The following AGBL4 variants were observed in gnomAD, a reference collection of about 807,000 sequenced individuals.
AGBL4 encodes AGBL carboxypeptidase 4, also known as cytosolic carboxypeptidase 6.
A neutral mutation model predicts 66.4 loss-of-function variants in AGBL4; 58 were observed. The observed-to-expected ratio is 0.87, with a 90% confidence interval of 0.71 to 1.09. The LOEUF is 1.09. AGBL4 is among the 50% of genes least tolerant of loss of function. AGBL4 has a pLI of 0.00. For synonymous variants in AGBL4, 234 were observed against 222.9 expected (o/e 1.05, Z -0.44); for missense variants, 579 against 631.0 (o/e 0.92, Z 0.88).
chr1:49,426,838 C>T (rs1309684504), intron 3 of AGBL4, among the ~76,000 whole-genome samples: 2 of 152,092 alleles, frequency 1.3e-5, no homozygotes, highest in African/African-American at 4.8e-5. Context: ...TCTGAGAAGA[C>T]GTCATGCTAC....
intron 3 of AGBL4, among the ~76,000 whole-genome samples, chr1:49,476,312 T>C (rs1646843884): frequency 7.5e-6 from 1 of 134,132 alleles, no homozygotes; most frequent in South Asian, 2.3e-4. Flanking sequence ...CACTGAGACT[T>C]GCTTTATGAC....
chr1:48,610,302 G>A (rs1227571823), intron 9 of AGBL4, among the ~76,000 whole-genome samples: 1 of 152,160 alleles, frequency 6.6e-6, no homozygotes, highest in African/African-American at 2.4e-5. Context: ...ACACATGACC[G>A]GGGCTTGCTG....
At chr1:48,990,435 G>A (rs962058845) in intron 5 of AGBL4, among the ~76,000 whole-genome samples, 23 of 152,066 alleles carry the variant, frequency 1.5e-4, no homozygotes, top group African/African-American at 4.3e-4. Flanking sequence ...TTGTGCTTGC[G>A]GGGTACTGAT....
intron 3 of AGBL4, among the ~76,000 whole-genome samples, chr1:49,348,215 G>C (rs1645676134): frequency 6.6e-6 from 1 of 152,040 alleles, no homozygotes; most frequent in Admixed American, 6.6e-5. Context: ...TGAGGAGATT[G>C]AGACCATCCT....
chr1:49,252,870 G>A (rs1466140878), intron 3 of AGBL4, among the ~76,000 whole-genome samples: 2 of 152,054 alleles, frequency 1.3e-5, no homozygotes, highest in Non-Finnish European at 2.9e-5. Context: ...AGGAAATTTG[G>A]TACTACCAGA....
At chr1:49,550,452 C>A (rs1306266697) in intron 3 of AGBL4, among the ~76,000 whole-genome samples, 1 of 152,152 alleles carries the variant, frequency 6.6e-6, no homozygotes, top group East Asian at 1.9e-4. Context: ...GGATTTGTAT[C>A]AAGATTTAGC....
chr1:48,621,495 T>C (rs1645413111), intron 9 of AGBL4, among the ~76,000 whole-genome samples: 1 of 152,156 alleles, frequency 6.6e-6, no homozygotes, highest in Non-Finnish European at 1.5e-5. Context: ...CATATACTTG[T>C]GGAAAATTGT....
At chr1:49,816,385 A>G (rs1645231169) in intron 2 of AGBL4, among the ~76,000 whole-genome samples, 1 of 152,212 alleles carries the variant, frequency 6.6e-6, no homozygotes, top group African/African-American at 2.4e-5. Context: ...AGGTTCCAAA[A>G]GGTCTAGGTA....
At chr1:49,574,700 G>A (rs992512604) in intron 3 of AGBL4, among the ~76,000 whole-genome samples, 1 of 152,062 alleles carries the variant, frequency 6.6e-6, no homozygotes, top group Admixed American at 6.5e-5. Flanking sequence ...AAGGTGGCAG[G>A]AGATAAGTGG....
At chr1:50,004,326 C>T (rs1042247210) in intron 1 of AGBL4, among the ~76,000 whole-genome samples, 8 of 152,162 alleles carry the variant, frequency 5.3e-5, no homozygotes, top group African/African-American at 1.9e-4. Flanking sequence ...GACAAAAGGG[C>T]TCTGGTGTAC....
chr1:49,604,183 A>G (rs965722927), intron 3 of AGBL4, among the ~76,000 whole-genome samples: 2 of 151,798 alleles, frequency 1.3e-5, no homozygotes, highest in Non-Finnish European at 2.9e-5. Flanking sequence ...ACTAATTTAC[A>G]CTCCCACCGG....
At chr1:49,750,222 G>A (rs1487409089) in intron 2 of AGBL4, among the ~76,000 whole-genome samples, 1 of 152,096 alleles carries the variant, frequency 6.6e-6, no homozygotes, top group Non-Finnish European at 1.5e-5. Context: ...GCTTTTTATG[G>A]TTTTAGGTCT....
Position 49,255,872 on chromosome 1 carries a change from G to C in AGBL4, c.283-10008C>G, listed in dbSNP as rs564526397. Among the ~76,000 whole-genome samples, 39 of 152,244 alleles carry C rather than the reference G, an allele frequency of 2.6e-4. No individual in the cohort carries two copies. The South Asian group carries it at 8.1e-3, about 32-fold the overall frequency. ...CATGTATTTTGCAGGGACATGGATGGAGCTGGAGACCATTTTCCTTAGCAA... is the reference window on the plus strand; with the variant it reads ...CATGTATTTTGCAGGGACATGGATGCAGCTGGAGACCATTTTCCTTAGCAA... On this transcript the variant is annotated intron_variant, in intron 3 of 13. Coordinates refer to ENST00000371839, the MANE Select transcript of AGBL4 (RefSeq NM_032785.4).
intron 4 of AGBL4, among the ~76,000 whole-genome samples, chr1:49,062,360 CCTAT>C (rs1644418461): frequency 6.6e-6 from 1 of 152,116 alleles, no homozygotes; most frequent in South Asian, 2.1e-4. Context: ...ACTTTAATAC[CCTAT>C]CTAACATGCA....
At chr1:49,729,140 T>C (rs544007625) in intron 2 of AGBL4, among the ~76,000 whole-genome samples, 1 of 152,316 alleles carries the variant, frequency 6.6e-6, no homozygotes, top group East Asian at 1.9e-4. Flanking sequence ...GCAATCTTTG[T>C]CTTTTAAAGA....
intron 1 of AGBL4, among the ~76,000 whole-genome samples, chr1:50,010,274 T>G (rs1215976239): frequency 1.3e-5 from 2 of 150,628 alleles, no homozygotes; most frequent in African/African-American, 2.4e-5. Context: ...GCCACTGCAC[T>G]CCAGCCTGGG....
rs111519847 is a variant in AGBL4 at position 49,161,772 on chromosome 1, C to T, written c.377+83998G>A. 2.1e-3 allele frequency among the ~76,000 whole-genome samples: 317 copies of T among 152,210 alleles called. 5 individuals are homozygous for T. Among genetic ancestry groups the T allele is most frequent in the African/African-American group, 7.1e-3 (295 of 41,534 alleles). ...GGTTCTTCACACTGAAGTCTGTCCA[C>T]GGGGAAGCACACATACTGCAATGTT... On this transcript the variant is annotated intron_variant, in intron 4 of 13. Coordinates refer to ENST00000371839, the MANE Select transcript of AGBL4 (RefSeq NM_032785.4).
At chr1:49,704,089 A>G (rs1647154831) in intron 2 of AGBL4, among the ~76,000 whole-genome samples, 1 of 152,118 alleles carries the variant, frequency 6.6e-6, no homozygotes, top group Non-Finnish European at 1.5e-5. Flanking sequence ...ATACCTTAAA[A>G]TGGTATTTCT....
At chr1:49,813,262 TATG>T (rs1295420616) in intron 2 of AGBL4, among the ~76,000 whole-genome samples, 9 of 152,100 alleles carry the variant, frequency 5.9e-5, no homozygotes, top group African/African-American at 2.2e-4. Flanking sequence ...TTAAAAACAA[TATG>T]ATGATATTAA....
Sources: gnomAD v4.1 joint callset for allele counts (sites outside exome capture counted in the v4.1 genomes callset) on GRCh38, gnomAD v4.1.1 for gene constraint, MANE v1.5 for transcripts, NCBI Gene and HGNC (gene_info 2026-07-23, HGNC 2026-07-21) for gene names.